Variants in BICC1 observed in about 807,000 individuals in gnomAD.
BICC1 encodes protein bicaudal C homolog 1.
A neutral mutation model predicts 111.0 loss-of-function variants in BICC1; 43 were observed. The observed-to-expected ratio is 0.39, with a 90% CI of 0.30 to 0.50. BICC1 has a LOEUF of 0.50. BICC1 is among the 20% of genes least tolerant of loss of function. The probability of loss-of-function intolerance (pLI) is 0.88; values close to 1 mark genes in which losing one functional copy is unlikely to be tolerated. For synonymous variants in BICC1, 467 were observed against 434.4 expected (o/e 1.07, Z -0.93); for missense variants, 1,091 against 1,203.2 (o/e 0.91, Z 1.38).
intron 3 of BICC1, among the ~76,000 whole-genome samples, chr10:58,730,183 A>T (rs541789847): frequency 3.9e-5 from 6 of 152,328 alleles, no homozygotes; most frequent in African/African-American, 1.4e-4. Context: ...CAGTTCCAAA[A>T]GGTAGAAAAC....
chr10:58,665,532 T>C (rs1419116421), intron 2 of BICC1, among the ~76,000 whole-genome samples: 1 of 152,134 alleles, frequency 6.6e-6, no homozygotes, highest in African/African-American at 2.4e-5. Flanking sequence ...TCTGTTTTGC[T>C]TTGTTCATGA....
At chr10:58,760,465 T>C (rs1252791749) in intron 3 of BICC1, among the ~76,000 whole-genome samples, 2 of 152,160 alleles carry the variant, frequency 1.3e-5, no homozygotes, top group African/African-American at 2.4e-5. Flanking sequence ...GTTTTCTGAA[T>C]CATTTATTTA....
intron 3 of BICC1, among the ~76,000 whole-genome samples, chr10:58,724,928 C>T (rs750200038): frequency 5.3e-5 from 8 of 152,294 alleles, no homozygotes; most frequent in South Asian, 2.1e-4. Flanking sequence ...CATTGCCAGT[C>T]GTGGCTGTCT....
chr10:58,532,140 C>G (rs944058581), intron 1 of BICC1, among the ~76,000 whole-genome samples: 4 of 151,592 alleles, frequency 2.6e-5, no homozygotes, highest in African/African-American at 9.7e-5. Flanking sequence ...AGTCAACTTT[C>G]CAAAAACAAA....
chr10:58,691,897 C>T (rs560400158), intron 2 of BICC1, among the ~76,000 whole-genome samples: 3 of 152,278 alleles, frequency 2.0e-5, no homozygotes, highest in Admixed American at 2.0e-4. Flanking sequence ...ACTTAGTATT[C>T]ACTTAGTTTC....
At chr10:58,665,520 A>G (rs1362932875) in intron 2 of BICC1, among the ~76,000 whole-genome samples, 1 of 152,124 alleles carries the variant, frequency 6.6e-6, no homozygotes, top group Admixed American at 6.5e-5. Context: ...TAACTAAATG[A>G]ATCTGTTTTG....
intron 17 of BICC1, among the ~76,000 whole-genome samples, chr10:58,809,197 A>AT (rs1373416258): frequency 0.024 from 3,271 of 134,422 alleles, 115 homozygotes; most frequent in African/African-American, 0.083. Context: ...TAAGTTTTGT[A>AT]TTTTTTTTTT....
chr10:58,695,068 T>C (rs905585568), intron 2 of BICC1, among the ~76,000 whole-genome samples: 7 of 152,212 alleles, frequency 4.6e-5, no homozygotes, highest in African/African-American at 1.7e-4. Flanking sequence ...GATTTACAAA[T>C]TATTGTGAGG....
chr10:58,543,935 G>A (rs1649069), intron 1 of BICC1, among the ~76,000 whole-genome samples: 69,799 of 151,188 alleles, frequency 0.46, 17,129 homozygotes, highest in Admixed American at 0.62. Context: ...TGATCTTTTA[G>A]AAACTACTCA....
intron 3 of BICC1, among the ~76,000 whole-genome samples, chr10:58,739,246 G>A (rs1374508670): frequency 2.0e-5 from 3 of 152,118 alleles, no homozygotes; most frequent in African/African-American, 7.2e-5. Context: ...ATTATTTTGA[G>A]ATGCGTCCCA....
At chr10:58,542,792 A>C (rs1843029169) in intron 1 of BICC1, among the ~76,000 whole-genome samples, 1 of 152,120 alleles carries the variant, frequency 6.6e-6, no homozygotes. Context: ...TGTTAAGGAA[A>C]TGTAACTCAA....
At chr10:58,818,402 A>G (rs368865886) in intron 19 of BICC1, among the ~76,000 whole-genome samples, 217 of 152,328 alleles carry the variant, frequency 1.4e-3, no homozygotes, top group African/African-American at 4.8e-3. Context: ...TCAAAGTGTC[A>G]GAAAATTAAA....
At chr10:58,608,097 A>T (rs887494232) in intron 1 of BICC1, among the ~76,000 whole-genome samples, 1 of 152,026 alleles carries the variant, frequency 6.6e-6, no homozygotes, top group Non-Finnish European at 1.5e-5. Flanking sequence ...CTGGTATTAT[A>T]CTCCTAGTAT....
intron 1 of BICC1, among the ~76,000 whole-genome samples, chr10:58,521,859 A>G (rs1446636279): frequency 6.7e-5 from 9 of 135,236 alleles, no homozygotes; most frequent in African/African-American, 2.4e-4. Context: ...TAGGTTTGAG[A>G]GTGGTGTTGG....
At chr10:58,771,844 A>C (rs1190288816) in intron 3 of BICC1, among the ~76,000 whole-genome samples, 1 of 152,216 alleles carries the variant, frequency 6.6e-6, no homozygotes, top group East Asian at 1.9e-4. Context: ...AAATCATTGA[A>C]GGCTTTTGGG....
intron 1 of BICC1, among the ~76,000 whole-genome samples, chr10:58,579,406 T>A (rs1239929564): frequency 6.6e-6 from 1 of 152,224 alleles, no homozygotes; most frequent in Non-Finnish European, 1.5e-5. Context: ...AAACTAGAAT[T>A]GTCTTCACCA....
intron 1 of BICC1, among the ~76,000 whole-genome samples, chr10:58,611,524 G>A (rs1001562640): frequency 4.0e-5 from 6 of 150,234 alleles, no homozygotes; most frequent in African/African-American, 1.2e-4. Context: ...TGCCCGGGCT[G>A]GAGTACAGTG....
At chr10:58,743,005 G>A (rs1163592838) in intron 3 of BICC1, among the ~76,000 whole-genome samples, 1 of 152,130 alleles carries the variant, frequency 6.6e-6, no homozygotes, top group African/African-American at 2.4e-5. Flanking sequence ...CAAGCAATGT[G>A]AATAAAATAG....
chr10:58,576,061 G>C (rs1194246781), intron 1 of BICC1, among the ~76,000 whole-genome samples: 1 of 152,140 alleles, frequency 6.6e-6, no homozygotes, highest in African/African-American at 2.4e-5. Context: ...TGGATTAAAT[G>C]TCACATCTTT....
Sources: gnomAD v4.1 joint callset for allele counts (sites outside exome capture counted in the v4.1 genomes callset) on GRCh38, gnomAD v4.1.1 for gene constraint, MANE v1.5 for transcripts, NCBI Gene and HGNC (gene_info 2026-07-23, HGNC 2026-07-21) for gene names.